The following ARHGEF7 variants were observed in gnomAD, a reference collection of about 807,000 sequenced individuals.
ARHGEF7 encodes PAK-interacting exchange factor beta.
ARHGEF7 carries 33 observed loss-of-function variants against 109.8 expected under a neutral mutation model. That is an observed-to-expected ratio of 0.30 (90% CI 0.23 to 0.40). ARHGEF7 has a LOEUF of 0.40. ARHGEF7 is among the 10% of genes least tolerant of loss of function. ARHGEF7 has a pLI of 1.00. For missense variants in ARHGEF7, 938 were observed against 1,098.5 expected (o/e 0.85, Z 2.07); for synonymous variants, 458 against 424.6 (o/e 1.08, Z -0.97).
chr13:111,294,048 A>C, intron 19 of ARHGEF7: 1 of 985,432 alleles, frequency 1.0e-6, no homozygotes, highest in Non-Finnish European at 1.2e-6. Flanking sequence ...CACCATTGGA[A>C]GATTTTGTAT....
Position 111,264,147 on chromosome 13 carries a change from C to T in ARHGEF7, c.951-3401C>T, listed in dbSNP as rs150680057. 1.1e-4 allele frequency among the ~76,000 whole-genome samples: 16 copies of T among 152,234 alleles called. No homozygotes were observed. In the East Asian group the frequency reaches 3.1e-3, roughly 29 times the overall value. On this transcript the variant is annotated intron_variant, in intron 8 of 21. Coordinates refer to ENST00000646102, the MANE Select transcript of ARHGEF7 (RefSeq NM_001354046.2). ...TTCTGTTGTGTTTTAATAAACTAAACAGTAAAGCACCATAATAACTGCATG... is the reference window on the plus strand; with the variant it reads ...TTCTGTTGTGTTTTAATAAACTAAATAGTAAAGCACCATAATAACTGCATG...
intron 4 of ARHGEF7, among the ~76,000 whole-genome samples, chr13:111,213,517 A>G (rs2082748587): frequency 6.6e-6 from 1 of 152,186 alleles, no homozygotes; most frequent in Non-Finnish European, 1.5e-5. Context: ...GCGTTCCCCA[A>G]GGTATCTGCT....
intron 2 of ARHGEF7, among the ~76,000 whole-genome samples, chr13:111,166,973 T>TG (rs2077180598): frequency 6.6e-6 from 1 of 152,062 alleles, no homozygotes; most frequent in African/African-American, 2.4e-5. Flanking sequence ...GAATACCTGG[T>TG]GAAGGGCTGG....
chr13:111,153,831 G>T, intron 1 of ARHGEF7, 74 bp from the exon 2 acceptor site: 1 of 1,538,624 alleles, frequency 6.5e-7, no homozygotes, highest in Non-Finnish European at 8.7e-7. Context: ...CGCGGGCCGT[G>T]GGCGTCGCTC....
At chr13:111,198,163 C>A (rs1234939847) in intron 2 of ARHGEF7, among the ~76,000 whole-genome samples, 1 of 152,140 alleles carries the variant, frequency 6.6e-6, no homozygotes. Context: ...TCCCAGAAAG[C>A]CTGACACGCG....
chr13:111,282,046 C>G (rs1290290935), intron 15 of ARHGEF7, among the ~76,000 whole-genome samples: 2 of 152,244 alleles, frequency 1.3e-5, no homozygotes, highest in African/African-American at 4.8e-5. Flanking sequence ...TTTTATCCAT[C>G]TATACATTAT....
intron 2 of ARHGEF7, among the ~76,000 whole-genome samples, chr13:111,192,879 T>C (rs949451202): frequency 2.6e-5 from 4 of 152,194 alleles, no homozygotes; most frequent in Non-Finnish European, 5.9e-5. Context: ...TGTAGAGGTA[T>C]CAACACACAC....
chr13:111,260,476 A>G (rs1007073739), intron 8 of ARHGEF7, among the ~76,000 whole-genome samples: 4 of 152,142 alleles, frequency 2.6e-5, no homozygotes, highest in Admixed American at 1.3e-4. Flanking sequence ...TAAATTGCTG[A>G]AAGCAAAAAC....
At chr13:111,152,406 G>T (rs1470273464) in intron 1 of ARHGEF7, among the ~76,000 whole-genome samples, 1 of 152,126 alleles carries the variant, frequency 6.6e-6, no homozygotes, top group Non-Finnish European at 1.5e-5. Flanking sequence ...TTATTTTAAA[G>T]AGCAAAACGG....
intron 8 of ARHGEF7, chr13:111,265,591 A>G (rs1374121244): frequency 4.4e-6 from 2 of 456,654 alleles, no homozygotes; most frequent in Admixed American, 2.3e-5. Flanking sequence ...TCCTGCCTGC[A>G]GGGTTGAAAG....
intron 2 of ARHGEF7, among the ~76,000 whole-genome samples, chr13:111,191,460 T>C (rs1162613587): frequency 6.6e-6 from 1 of 152,226 alleles, no homozygotes; most frequent in Non-Finnish European, 1.5e-5. Context: ...TTCTTGGTCT[T>C]ATCAGAGATG....
At chr13:111,225,359 C>T (rs1311905104) in intron 5 of ARHGEF7, among the ~76,000 whole-genome samples, 1 of 152,084 alleles carries the variant, frequency 6.6e-6, no homozygotes, top group African/African-American at 2.4e-5. Flanking sequence ...GAGCACAGGC[C>T]ACCCACTCCC....
Position 111,202,852 on chromosome 13 carries a change from G to A in ARHGEF7, c.253-2437G>A, listed in dbSNP as rs540916879. Among the ~76,000 whole-genome samples, 4 of 152,338 alleles carry A rather than the reference G, an allele frequency of 2.6e-5. No individual in the cohort carries two copies. The East Asian group carries it at 5.8e-4, about 22-fold the overall frequency. Reference sequence around the variant, plus strand: ...AGAAGCACTTCAATCGAAACATTTTGTTGGCTGAGAATGTGCATTTTCCCC... The same window carrying A: ...AGAAGCACTTCAATCGAAACATTTTATTGGCTGAGAATGTGCATTTTCCCC... On this transcript the variant is annotated intron_variant, in intron 2 of 21. Coordinates refer to ENST00000646102, the MANE Select transcript of ARHGEF7 (RefSeq NM_001354046.2).
intron 2 of ARHGEF7, among the ~76,000 whole-genome samples, 185 bp from the exon 3 acceptor site, chr13:111,205,104 A>G (rs1003767655): frequency 1.3e-5 from 2 of 152,340 alleles, no homozygotes; most frequent in Non-Finnish European, 2.9e-5. Flanking sequence ...GCACCTAAGT[A>G]GGAGAATTTT....
intron 2 of ARHGEF7, chr13:111,158,992 A>G: frequency 1.4e-6 from 1 of 717,944 alleles, no homozygotes; most frequent in Non-Finnish European, 2.6e-6. Flanking sequence ...GAAATTTTGT[A>G]CCCTTTGACT....
chr13:111,301,432 C>T (rs2093564751), intron 20 of ARHGEF7, 46 bp from the exon 21 acceptor site: 8 of 1,560,152 alleles, frequency 5.1e-6, no homozygotes, highest in Non-Finnish European at 7.1e-6. Flanking sequence ...GTGTCCTCTC[C>T]ATGCCTCACC....
At chr13:111,210,672 C>T (rs2082384827) in intron 4 of ARHGEF7, among the ~76,000 whole-genome samples, 1 of 152,210 alleles carries the variant, frequency 6.6e-6, no homozygotes, top group Non-Finnish European at 1.5e-5. Context: ...AGTGTTGGGG[C>T]AGAGCCAGGG....
At chr13:111,195,527 A>G (rs965002411) in intron 2 of ARHGEF7, among the ~76,000 whole-genome samples, 1 of 152,198 alleles carries the variant, frequency 6.6e-6, no homozygotes, top group African/African-American at 2.4e-5. Flanking sequence ...CCAGTGTCCA[A>G]GAGGAAGTCA....
chr13:111,299,351 T>A (rs542309369), intron 19 of ARHGEF7, among the ~76,000 whole-genome samples: 2,671 of 147,932 alleles, frequency 0.018, 44 homozygotes, highest in Middle Eastern at 0.077. Flanking sequence ...TTTTTTTTTT[T>A]TTTTTTTTTG....
Sources: allele counts gnomAD v4.1 joint callset (sites outside exome capture counted in the v4.1 genomes callset), GRCh38; gene constraint gnomAD v4.1.1; transcripts MANE v1.5; gene names NCBI Gene and HGNC (gene_info 2026-07-23, HGNC 2026-07-21).